The following PEX14 variants were observed in gnomAD, a reference collection of about 807,000 sequenced individuals.
PEX14 encodes peroxisomal biogenesis factor 14.
A neutral mutation model predicts 49.5 loss-of-function variants in PEX14; 15 were observed. The ratio of observed to expected loss-of-function variants is 0.30; its 90% CI spans 0.20 to 0.47. PEX14 has a LOEUF of 0.47. PEX14 is among the 20% of genes least tolerant of loss of function. The pLI, the probability that PEX14 is intolerant of heterozygous loss-of-function variation, is 1.00. For synonymous variants in PEX14, 210 were observed against 212.7 expected, an observed-to-expected ratio of 0.99 and a Z score of 0.11; for missense variants, 398 against 494.8, an observed-to-expected ratio of 0.80 and a Z score of 1.86.
intron 3 of PEX14, among the ~76,000 whole-genome samples, chr1:10,589,561 TTTTGTTTG>T (rs59290449): frequency 0.032 from 4,763 of 150,086 alleles, 246 homozygotes; most frequent in African/African-American, 0.11. Flanking sequence ...ATTTTTGTAG[TTTTGTTTG>T]TTTGTTTGTT....
intron 3 of PEX14, among the ~76,000 whole-genome samples, chr1:10,571,630 GA>G (rs1447684294): frequency 6.6e-6 from 1 of 152,098 alleles, no homozygotes; most frequent in Non-Finnish European, 1.5e-5. Flanking sequence ...GCAACAGGAT[GA>G]AACCCCATCT....
Position 10,491,742 on chromosome 1 carries a change from A to G in PEX14, c.37-3532A>G, listed in dbSNP as rs1235594816. Among the ~76,000 whole-genome samples the G allele has an allele frequency of 3.9e-5, 5 of 127,868 alleles. No homozygotes were observed. The Admixed American group carries it at 5.0e-4, about 13-fold the overall frequency. The allele number at this position is 127,868 out of a possible 152,430, so 83.9% of individuals were successfully genotyped here. On this transcript the variant is annotated intron_variant, in intron 1 of 8. Coordinates refer to ENST00000356607, the MANE Select transcript of PEX14 (RefSeq NM_004565.3). ...GTCACCTAGATTGGAGTGCAGTGGCATGATCTCAGCTCACTGTAACCTCCG... is the reference window on the plus strand; with the variant it reads ...GTCACCTAGATTGGAGTGCAGTGGCGTGATCTCAGCTCACTGTAACCTCCG...
At chr1:10,608,540 T>C (rs1257016065) in intron 4 of PEX14, among the ~76,000 whole-genome samples, 5 of 151,942 alleles carry the variant, frequency 3.3e-5, no homozygotes, top group Non-Finnish European at 7.4e-5. Flanking sequence ...CAGGTGCCTG[T>C]AATCCCAGCT....
chr1:10,606,304 GC>G (rs779629414), intron 4 of PEX14, among the ~76,000 whole-genome samples: 1 of 152,202 alleles, frequency 6.6e-6, no homozygotes, highest in Non-Finnish European at 1.5e-5. Flanking sequence ...CTGCTGTCCA[GC>G]CAGCGAGAGC....
intron 3 of PEX14, among the ~76,000 whole-genome samples, chr1:10,588,344 A>C (rs968825556): frequency 1.3e-5 from 2 of 152,094 alleles, no homozygotes; most frequent in African/African-American, 4.8e-5. Context: ...GCCCAGCTAC[A>C]TGTATGCTTT....
chr1:10,507,694 C>G (rs1641808596), intron 2 of PEX14, among the ~76,000 whole-genome samples: 1 of 152,164 alleles, frequency 6.6e-6, no homozygotes, highest in Non-Finnish European at 1.5e-5. Flanking sequence ...GCTCTGGACT[C>G]CAGCTCTTAA....
At position 10,512,676 on chromosome 1, in the gene PEX14, C is replaced by G. The variant is rs944407418; in HGVS notation, c.84+17355C>G. On this transcript the variant is annotated intron_variant, in intron 2 of 8. Transcript: ENST00000356607. This position sits in a 1 kb window ranked among gnomAD's most constrained non-coding sequence, Gnocchi z 4.6. ...TAGGATCGTTTTTAAATGAAATGCTCCCTGTTCTTTTCCTTCTTTTTTTTT... is the reference window on the plus strand; with the variant it reads ...TAGGATCGTTTTTAAATGAAATGCTGCCTGTTCTTTTCCTTCTTTTTTTTT... 6.6e-6 allele frequency among the ~76,000 whole-genome samples: 1 copy of G among 151,944 alleles called. No individual in the cohort carries two copies. Among genetic ancestry groups the G allele is most frequent in the African/African-American group, 2.4e-5 (1 of 41,386 alleles).
chr1:10,499,875 C>T lies in PEX14; in HGVS notation c.84+4554C>T, dbSNP rs972364416. Among the ~76,000 whole-genome samples, 8 of 152,074 alleles carry T rather than the reference C, an allele frequency of 5.3e-5. No individual in the cohort carries two copies. In the East Asian group the frequency reaches 5.8e-4, roughly 11 times the overall value. On this transcript the variant is annotated intron_variant, in intron 2 of 8. Transcript: ENST00000356607. ...GCTCTGCAGTTGCAGATCTAGGTTGCGTCTCAGTAGTTTTGCTCTCCAAGT... is the reference window on the plus strand; with the variant it reads ...GCTCTGCAGTTGCAGATCTAGGTTGTGTCTCAGTAGTTTTGCTCTCCAAGT...
chr1:10,553,026 G>A (rs1639380098), intron 3 of PEX14, among the ~76,000 whole-genome samples: 2 of 152,212 alleles, frequency 1.3e-5, no homozygotes, highest in African/African-American at 2.4e-5. Context: ...TACCTCAAGA[G>A]TGTGGATTTT....
chr1:10,610,370 T>C (rs199610549), intron 4 of PEX14, among the ~76,000 whole-genome samples: 10,396 of 98,354 alleles, frequency 0.11, 395 homozygotes, highest in Admixed American at 0.16. Context: ...TATATATATA[T>C]ATACACACAC....
chr1:10,543,916 ACT>A (rs1639094219), intron 3 of PEX14, among the ~76,000 whole-genome samples: 1 of 152,000 alleles, frequency 6.6e-6, no homozygotes, highest in Non-Finnish European at 1.5e-5. Flanking sequence ...GCACAGAGAA[ACT>A]CTGTTTGAGG....
At chr1:10,551,625 A>T (rs1347690626) in intron 3 of PEX14, among the ~76,000 whole-genome samples, 1 of 152,150 alleles carries the variant, frequency 6.6e-6, no homozygotes, top group African/African-American at 2.4e-5. Flanking sequence ...GTTTAAAAGG[A>T]TTTTGTGGTG....
intron 1 of PEX14, among the ~76,000 whole-genome samples, chr1:10,492,653 A>G (rs1212969401): frequency 6.6e-6 from 1 of 152,242 alleles, no homozygotes; most frequent in East Asian, 1.9e-4. Context: ...CCTCAGGAAG[A>G]TAATGAACGG....
rs1220431636 is a variant in PEX14 at position 10,613,943 on chromosome 1, C to T, written c.299-4389C>T. ...CCCAGCTAGAGAAGAGTGACTGCCC[C>T]ATCTCCTGCCCTTGTCTTTATACCT... On this transcript the variant is annotated intron_variant, in intron 4 of 8. Transcript: ENST00000356607. This position sits in a 1 kb window ranked among gnomAD's most constrained non-coding sequence, Gnocchi z 5.0. Among the ~76,000 whole-genome samples the T allele has an allele frequency of 2.0e-5, 3 of 152,360 alleles. No homozygotes were observed. The highest frequency in any genetic ancestry group is 1.9e-4 in the East Asian group (1 of 5,188).
At chr1:10,576,123 G>T (rs1360552173) in intron 3 of PEX14, among the ~76,000 whole-genome samples, 1 of 152,018 alleles carries the variant, frequency 6.6e-6, no homozygotes, top group Non-Finnish European at 1.5e-5. Context: ...TATATATTAA[G>T]AATATTAGTT....
rs538142230 is a variant in PEX14 at position 10,629,010 on chromosome 1, C to T, written c.678-521C>T. ...GAAGTTTTCTAGCAAAGGGCATAACCACCGCCCTTTTGGTTCTGATGTGTC... is the reference window on the plus strand; with the variant it reads ...GAAGTTTTCTAGCAAAGGGCATAACTACCGCCCTTTTGGTTCTGATGTGTC... On this transcript the variant is annotated intron_variant, in intron 8 of 8. Coordinates refer to ENST00000356607, the MANE Select transcript of PEX14 (RefSeq NM_004565.3). This position sits in a 1 kb window ranked among gnomAD's most constrained non-coding sequence, Gnocchi z 8.5. Among the ~76,000 whole-genome samples the T allele has an allele frequency of 9.5e-4, 144 of 152,234 alleles. No individual in the cohort carries two copies. Among genetic ancestry groups the T allele is most frequent in the Admixed American group, 2.2e-3 (34 of 15,290 alleles).
intron 3 of PEX14, among the ~76,000 whole-genome samples, chr1:10,592,671 T>A (rs1245944907): frequency 6.6e-6 from 1 of 152,258 alleles, no homozygotes; most frequent in African/African-American, 2.4e-5. Context: ...AGGGAGTACG[T>A]CTGCCTTGTG....
At chr1:10,536,151 T>C in intron 2 of PEX14, 62 bp from the exon 3 acceptor site, 1 of 1,047,784 alleles carries the variant, frequency 9.5e-7, no homozygotes, top group Admixed American at 1.7e-5. Flanking sequence ...CCTAGGATTT[T>C]TAATCTTGAA....
In PEX14 at chr1:10,594,739, C is replaced by T. The variant is rs189162604; in HGVS notation, c.170-4499C>T. On this transcript the variant is annotated intron_variant, in intron 3 of 8. Coordinates refer to ENST00000356607, the MANE Select transcript of PEX14 (RefSeq NM_004565.3). The stretch of plus-strand genomic sequence containing the variant: ...TTACTTATCCTGAGAAACCCTTGCA[C>T]GGCCTGTCCCGCAGAGAAAAGACAG... 9.2e-4 allele frequency among the ~76,000 whole-genome samples: 140 copies of T among 152,250 alleles called. 1 individual carries two copies. Among genetic ancestry groups the T allele is most frequent in the African/African-American group, 2.9e-3 (121 of 41,532 alleles).
Sources: allele counts gnomAD v4.1 joint callset (sites outside exome capture counted in the v4.1 genomes callset), GRCh38; gene constraint gnomAD v4.1.1; non-coding constraint Gnocchi (gnomAD v3.1); transcripts MANE v1.5; gene names NCBI Gene and HGNC (gene_info 2026-07-23, HGNC 2026-07-21).